BRCA1: variants seen among roughly 807,000 people sequenced by gnomAD.
BRCA1 encodes the protein BRCA1 DNA repair associated, also known as breast cancer type 1 susceptibility protein.
A neutral mutation model predicts 173.7 loss-of-function variants in BRCA1; 140 were observed. That is an observed-to-expected ratio of 0.81 (90% CI 0.70 to 0.93). BRCA1 has a LOEUF of 0.93. Ranked by LOEUF, BRCA1 falls within the 40% of genes least tolerant of loss-of-function variation. The pLI is 0.00. For synonymous variants in BRCA1, 662 were observed against 756.0 expected (o/e 0.88, Z 2.04); for missense variants, 1,983 against 2,172.5 (o/e 0.91, Z 1.73).
At chr17:43,111,628 T>C (rs994995246) in intron 3 of BRCA1, among the ~76,000 whole-genome samples, 1 of 151,910 alleles carries the variant, frequency 6.6e-6, no homozygotes, top group African/African-American at 2.4e-5. Flanking sequence ...GAGACCATCC[T>C]GGCTAACACG....
Position 43,067,614 on chromosome 17 carries a change from T to C in BRCA1, c.5068A>G (p.Lys1690Glu), listed in dbSNP as rs397507239. The C allele has an allele frequency of 6.2e-7, 1 of 1,610,276 alleles. No homozygotes were observed. The highest frequency in any genetic ancestry group is 8.5e-7 in the Non-Finnish European group (1 of 1,176,496). Reference sequence around the variant, plus strand: ...GTAAAGGTTCTTGGTATACCTGTTTTCATAACAACATGAGTAGTCTCTTCA... The same window carrying C: ...GTAAAGGTTCTTGGTATACCTGTTTCCATAACAACATGAGTAGTCTCTTCA... ...ITEETTHVVM[K>E]TDAEFVCERT... The change falls in exon 16 of 23, where the codon AAA becomes GAA. Residue 1690 changes from lysine (K) to glutamate (E), a missense_variant. Transcript: ENST00000357654.
intron 2 of BRCA1, among the ~76,000 whole-genome samples, chr17:43,116,588 G>A (rs568050020): frequency 8.5e-5 from 13 of 152,164 alleles, no homozygotes; most frequent in African/African-American, 2.7e-4. Context: ...GTGCGATCTC[G>A]GCTCACTGCA....
Position 43,091,982 on chromosome 17 carries a change from T to C in BRCA1, c.3549A>G (p.Lys1183=). 1 of 1,614,154 alleles carries C rather than the reference T, an allele frequency of 6.2e-7. No individual in the cohort carries two copies. Among genetic ancestry groups the C allele is most frequent in the Non-Finnish European group, 8.5e-7 (1 of 1,180,010 alleles). ...GGCTAGGACTCCTGCTAAGCTCTCC[T>C]TTCTGGACGCTTTTGCTAAAAACAG... is the stretch of plus-strand genomic sequence containing the variant. ...SSAVFSKSVQ[K]GELSRSPSPF... is the part of the protein sequence containing the mutation. The change falls in exon 10 of 23, where the codon AAA becomes AAG. Residue 1183 remains lysine, a synonymous_variant. Coordinates refer to ENST00000357654, the MANE Select transcript of BRCA1 (RefSeq NM_007294.4).
Position 43,103,987 on chromosome 17 carries a change from A to G in BRCA1, c.441+135T>C, listed in dbSNP as rs537869341. The stretch of plus-strand genomic sequence containing the variant: ...CCTGGCATGGTGGCGCGTGCCTGTA[A>G]TCCCAGCTACTAAGGGGGCTAAGGC... On this transcript the variant is annotated intron_variant, in intron 6 of 22. Transcript: ENST00000357654. 1.8e-4 allele frequency: 208 copies of G among 1,148,696 alleles called. 2 individuals are homozygous for G. In the East Asian group the frequency reaches 4.6e-3, roughly 25 times the overall value. The allele number at this position is 1,148,696 out of a possible 1,614,324, so 71.2% of individuals were successfully genotyped here.
At position 43,104,244 on chromosome 17, in the gene BRCA1, A is replaced by T. The variant is rs878854944; in HGVS notation, c.319T>A (p.Phe107Ile). Residue 107 changes from phenylalanine (F) to isoleucine (I), a missense_variant, in exon 6 of 23, where the codon TTT (phenylalanine) becomes ATT (isoleucine). Physicochemically the swap from Phe to Ile is conservative, Grantham distance 21 (BLOSUM62 0). Transcript: ENST00000357654. ...GGAGAGTTATTTTCCTTTTTTGCAA[A>T]ATTATAGCTGTTTGCATCTGTAAAA... ...TGLEYANSYN[F>I]AKKENNSPEH... 6.2e-7 allele frequency: 1 copy of T among 1,611,038 alleles called. No homozygotes were observed. Among genetic ancestry groups the T allele is most frequent in the Non-Finnish European group, 8.5e-7 (1 of 1,177,640 alleles).
chr17:43,045,714 G>C lies in BRCA1; in HGVS notation c.5556C>G (p.Thr1852=), dbSNP rs80356841. The change falls in exon 23 of 23, where the codon ACC becomes ACG. Residue 1852 remains threonine, a synonymous_variant. Coordinates refer to ENST00000357654, the MANE Select transcript of BRCA1 (RefSeq NM_007294.4). The part of the protein sequence containing the change: ...VALYQCQELD[T]YLIPQIPHSH... ...TGTGGGGGATCTGGGGTATCAGGTA[G>C]GTGTCCAGCTCCTGGCACTGGTAGA... The C allele has an allele frequency of 6.2e-7, 1 of 1,613,768 alleles. No individual in the cohort carries two copies. Among genetic ancestry groups the C allele is most frequent in the Non-Finnish European group, 8.5e-7 (1 of 1,179,920 alleles).
chr17:43,128,195 G>A (rs560023382), upstream of BRCA1, among the ~76,000 whole-genome samples: 62 of 152,212 alleles, frequency 4.1e-4, no homozygotes, highest in Middle Eastern at 3.4e-3. Flanking sequence ...AACACCGACC[G>A]CAGAGGTCTG....
intron 2 of BRCA1, among the ~76,000 whole-genome samples, chr17:43,118,689 G>A (rs1336748879): frequency 2.0e-5 from 3 of 151,918 alleles, no homozygotes; most frequent in African/African-American, 4.8e-5. Flanking sequence ...TTCCTGCTTC[G>A]GCTTCCCAAA....
intron 20 of BRCA1, among the ~76,000 whole-genome samples, chr17:43,049,684 C>A (rs1479194275): frequency 1.3e-5 from 2 of 152,064 alleles, no homozygotes; most frequent in Non-Finnish European, 2.9e-5. Context: ...TACATGTTAT[C>A]CTGGTTAGAG....
At chr17:43,103,219 C>A (rs1442003776) in intron 6 of BRCA1, among the ~76,000 whole-genome samples, 1 of 152,142 alleles carries the variant, frequency 6.6e-6, no homozygotes, top group Non-Finnish European at 1.5e-5. Context: ...GTAATCCCAG[C>A]ACTCTGGGAG....
In BRCA1 at chr17:43,051,663, GTCTC is replaced by G. The variant is rs538015792; in HGVS notation, c.5278-550_5278-547del. 3.8e-3 allele frequency among the ~76,000 whole-genome samples: 575 copies of G among 150,020 alleles called. 5 individuals carry two copies. Among genetic ancestry groups the G allele is most frequent in the African/African-American group, 0.014 (552 of 40,712 alleles). On this transcript the variant is annotated intron_variant, in intron 19 of 22. Coordinates refer to ENST00000357654, the MANE Select transcript of BRCA1 (RefSeq NM_007294.4). ...CTTTTTTTTTTTTTTTTGAGACGGA[GTCTC>G]TCTCTGTCACCTAGGCTGGAGCGTA...
chr17:43,092,948 G>T lies in BRCA1; in HGVS notation c.2583C>A (p.Phe861Leu). The T allele has an allele frequency of 6.2e-7, 1 of 1,613,726 alleles. No individual in the cohort carries two copies. The highest frequency in any genetic ancestry group is 8.5e-7 in the Non-Finnish European group (1 of 1,179,910). ...ELDAQYLQNT[F>L]KVSKRQSFAP... The stretch of plus-strand genomic sequence containing the variant: ...CAAATGACTGGCGCTTTGAAACCTT[G>T]AATGTATTCTGCAAATACTGAGCAT... The change falls in exon 10 of 23, where the codon TTC becomes TTA. Residue 861 changes from phenylalanine to leucine, a missense_variant. Phe to Leu is a conservative substitution (Grantham distance 22). Coordinates refer to ENST00000357654, the MANE Select transcript of BRCA1 (RefSeq NM_007294.4).
At chr17:43,162,251 T>G (rs1409172753) in intron 1 of BRCA1, 1 of 152,228 alleles carries the variant, frequency 6.6e-6, no homozygotes, top group Non-Finnish European at 1.5e-5. Flanking sequence ...AGTCCTAATT[T>G]ATGACAGATG....
chr17:43,052,825 T>TCACACACA (rs2051305215), intron 19 of BRCA1, among the ~76,000 whole-genome samples: 1 of 85,214 alleles, frequency 1.2e-5, no homozygotes, highest in Non-Finnish European at 2.5e-5. Flanking sequence ...ACACACACAC[T>TCACACACA]CTCTTACTTT....
intron 1 of BRCA1, among the ~76,000 whole-genome samples, chr17:43,152,883 A>G (rs1219217372): frequency 1.3e-5 from 2 of 151,756 alleles, no homozygotes; most frequent in Non-Finnish European, 2.9e-5. Context: ...AAATAAAAAA[A>G]AATAAGCTGG....
Position 43,071,175 on chromosome 17 carries a change from G to A in BRCA1, c.4739C>T (p.Ser1580Phe), listed in dbSNP as rs80357411. The A allele has an allele frequency of 6.2e-7, 1 of 1,614,114 alleles. No homozygotes were observed. Among genetic ancestry groups the A allele is most frequent in the Non-Finnish European group, 8.5e-7 (1 of 1,180,052 alleles). The stretch of plus-strand genomic sequence containing the variant: ...AGCTGACTCTGGGGCTCTGTCTTCA[G>A]AAGGATCAGATTCAGGGTCATCAGA... ...LFSDDPESDP[S>F]EDRAPESARV... Residue 1580 changes from serine to phenylalanine, a missense_variant, in exon 15 of 23, where the codon TCT (serine) becomes TTT (phenylalanine). Transcript: ENST00000357654.
At chr17:43,115,862 T>C (rs2055272839) in intron 2 of BRCA1, 83 bp from the exon 3 acceptor site, 1 of 1,417,856 alleles carries the variant, frequency 7.1e-7, no homozygotes, top group African/African-American at 1.4e-5. Context: ...AGTGAATAAG[T>C]TCAACTTTGA....
chr17:43,093,566 G>A lies in BRCA1; in HGVS notation c.1965C>T (p.Tyr655=), dbSNP rs886039987. The A allele has an allele frequency of 1.2e-6, 2 of 1,613,868 alleles. No homozygotes were observed. The highest frequency in any genetic ancestry group is 8.5e-7 in the Non-Finnish European group (1 of 1,179,968). The change falls in exon 10 of 23, where the codon TAC becomes TAT. Residue 655 remains tyrosine (Y), a synonymous_variant. Coordinates refer to ENST00000357654, the MANE Select transcript of BRCA1 (RefSeq NM_007294.4). ...TGCTGTGCCTGACTGGCATTTGGTT[G>A]TACTTTTTTTTCTTTATCTCTTCAC... is the stretch of plus-strand genomic sequence containing the variant. ...SSSEEIKKKK[Y]NQMPVRHSRN... is the part of the protein sequence containing the mutation.
chr17:43,087,145 T>A (rs2053259429), intron 11 of BRCA1, among the ~76,000 whole-genome samples: 1 of 152,166 alleles, frequency 6.6e-6, no homozygotes, highest in African/African-American at 2.4e-5. Context: ...TTTAGTAACA[T>A]GTATCAAACA....
Sources: gnomAD v4.1 joint callset for allele counts (sites outside exome capture counted in the v4.1 genomes callset) on GRCh38, gnomAD v4.1.1 for gene constraint, MANE v1.5 for transcripts, NCBI Gene and HGNC (gene_info 2026-07-23, HGNC 2026-07-21) for gene names.